MYO10: variants seen among roughly 807,000 people sequenced by gnomAD.
MYO10 encodes unconventional myosin-X.
In MYO10, 133 loss-of-function variants were observed where a neutral mutation model predicts 257.3. That is an observed-to-expected ratio of 0.52 (90% CI 0.45 to 0.60). MYO10 has a LOEUF of 0.60. MYO10 is among the 20% of genes least tolerant of loss of function. The pLI, the probability that MYO10 is intolerant of heterozygous loss-of-function variation, is 0.00. For synonymous variants in MYO10, 1,104 were observed against 1,028.6 expected, an observed-to-expected ratio of 1.07 and a Z score of -1.40; for missense variants, 2,399 against 2,635.7, an observed-to-expected ratio of 0.91 and a Z score of 1.97.
chr5:16,913,983 C>A (rs1271869063), intron 1 of MYO10, among the ~76,000 whole-genome samples: 2 of 152,162 alleles, frequency 1.3e-5, no homozygotes, highest in Non-Finnish European at 2.9e-5. Context: ...AGACAAGAAA[C>A]AATACAACAC....
chr5:16,787,609 TAAAAA>T (rs70940401), intron 4 of MYO10, among the ~76,000 whole-genome samples: 29,941 of 124,932 alleles, frequency 0.24, 3,709 homozygotes, highest in Non-Finnish European at 0.28. Context: ...TGTTTTGCTT[TAAAAA>T]AAAAAAAAAA....
chr5:16,749,973 A>G (rs1356555331), intron 19 of MYO10, among the ~76,000 whole-genome samples: 1 of 152,202 alleles, frequency 6.6e-6, no homozygotes, highest in Non-Finnish European at 1.5e-5. Flanking sequence ...CTGATGAGGA[A>G]AAGCAGGTTT....
At position 16,698,627 on chromosome 5, in the gene MYO10, T is replaced by TCATGAGAATGGGTCTCGACCAA. The variant is rs1737876404; in HGVS notation, c.3556+822_3556+823insTTGGTCGAGACCCATTCTCATG. On this transcript the variant is annotated intron_variant, in intron 26 of 40. Transcript: ENST00000513610. The stretch of plus-strand genomic sequence containing the variant: ...CCTGGCAGGAGAGAACATGCAGTTT[T>TCATGAGAATGGGTCTCGACCAA]TTTTTTTTTTTTTTGAGACAGCGTC... Among the ~76,000 whole-genome samples the TCATGAGAATGGGTCTCGACCAA allele has an allele frequency of 1.2e-3, 163 of 134,704 alleles. 3 individuals are homozygous for TCATGAGAATGGGTCTCGACCAA. The highest frequency in any genetic ancestry group is 4.9e-3 in the African/African-American group (146 of 30,008). The allele number at this position is 134,704 out of a possible 152,430, so 88.4% of individuals were successfully genotyped here.
At chr5:16,739,905 A>C (rs1739954505) in intron 19 of MYO10, among the ~76,000 whole-genome samples, 1 of 152,210 alleles carries the variant, frequency 6.6e-6, no homozygotes, top group Admixed American at 6.5e-5. Context: ...GGTGAACGCA[A>C]ACCCCAGCAT....
intron 2 of MYO10, among the ~76,000 whole-genome samples, chr5:16,821,895 A>G (rs1316798275): frequency 2.8e-5 from 4 of 144,410 alleles, no homozygotes; most frequent in African/African-American, 7.4e-5. Context: ...TCGCTACATG[A>G]ATAAAACAGA....
chr5:16,787,218 A>G (rs1388464136), intron 4 of MYO10, among the ~76,000 whole-genome samples: 1 of 152,104 alleles, frequency 6.6e-6, no homozygotes. Flanking sequence ...AGGTTGAAGA[A>G]CTGCTACTCT....
intron 2 of MYO10, among the ~76,000 whole-genome samples, chr5:16,831,678 G>A (rs1743166955): frequency 6.6e-6 from 1 of 152,146 alleles, no homozygotes; most frequent in African/African-American, 2.4e-5. Context: ...CTATGAGGAT[G>A]CAAAGGCGTA....
At chr5:16,842,332 G>C (rs74490435) in intron 2 of MYO10, among the ~76,000 whole-genome samples, 8,792 of 152,120 alleles carry the variant, frequency 0.058, 318 homozygotes, top group South Asian at 0.067. Flanking sequence ...GAGGTACTGA[G>C]AGCCAGTCAA....
chr5:16,871,374 G>A (rs150985817), intron 2 of MYO10, among the ~76,000 whole-genome samples: 1 of 152,282 alleles, frequency 6.6e-6, no homozygotes, highest in East Asian at 1.9e-4. Context: ...CAGCACTTTG[G>A]GAGGCCAAGG....
At chr5:16,690,005 A>G in intron 27 of MYO10, 86 bp from the exon 28 acceptor site, 1 of 978,580 alleles carries the variant, frequency 1.0e-6, no homozygotes, top group Non-Finnish European at 1.6e-6. Flanking sequence ...GCCAATGACT[A>G]GAGTTGGGAA....
At chr5:16,931,002 T>C (rs959907819) in intron 1 of MYO10, among the ~76,000 whole-genome samples, 1 of 152,210 alleles carries the variant, frequency 6.6e-6, no homozygotes, top group Non-Finnish European at 1.5e-5. Context: ...CTGGGCATGG[T>C]GGCTCATGCC....
In MYO10 at chr5:16,681,337, G is replaced by A. The variant is rs1287713050; in HGVS notation, c.4356C>T (p.Pro1452=). 2.5e-6 allele frequency: 4 copies of A among 1,613,040 alleles called. No homozygotes were observed. The highest frequency in any genetic ancestry group is 3.4e-6 in the Non-Finnish European group (4 of 1,179,684). Residue 1452 remains proline (P), a synonymous_variant, in exon 32 of 41, where the codon CCC becomes CCT. Transcript: ENST00000513610. ...TCTCTTTGAATATCTTCTCATCTGG[G>A]GGGACGACAGAGCAGAGGCTGTTGA... is the stretch of plus-strand genomic sequence containing the variant. ...LVLNSLCSVV[P]PDEKIFKETG...
chr5:16,820,008 C>T (rs980758444), intron 2 of MYO10, among the ~76,000 whole-genome samples: 1 of 152,338 alleles, frequency 6.6e-6, no homozygotes, highest in Admixed American at 6.5e-5. Flanking sequence ...AGGAGACAGT[C>T]CTAGTGGCCC....
intron 3 of MYO10, chr5:16,815,200 C>A: frequency 2.3e-6 from 1 of 431,620 alleles, no homozygotes; most frequent in Non-Finnish European, 4.1e-6. Flanking sequence ...CTAATGACAG[C>A]AAAGTATGAG....
intron 3 of MYO10, among the ~76,000 whole-genome samples, chr5:16,807,386 C>G (rs182150277): frequency 1.3e-5 from 2 of 152,112 alleles, no homozygotes; most frequent in Non-Finnish European, 2.9e-5. Flanking sequence ...TACTTGGCCC[C>G]CAAACCCAGT....
intron 2 of MYO10, among the ~76,000 whole-genome samples, chr5:16,853,475 A>G (rs1015610722): frequency 4.6e-5 from 7 of 152,202 alleles, no homozygotes; most frequent in Non-Finnish European, 1.0e-4. Context: ...AACATTGCCA[A>G]AATGTCAAAG....
chr5:16,766,308 G>A (rs1429652988), intron 10 of MYO10, 110 bp from the exon 11 acceptor site: 1 of 760,430 alleles, frequency 1.3e-6, no homozygotes, highest in African/African-American at 1.8e-5. Flanking sequence ...GCAGAGTTTA[G>A]AGATTGCATG....
chr5:16,754,033 C>T (rs1364461695), intron 19 of MYO10, among the ~76,000 whole-genome samples: 1 of 151,900 alleles, frequency 6.6e-6, no homozygotes, highest in South Asian at 2.1e-4. Flanking sequence ...AATTAAATTA[C>T]ATAAAAATTA....
At chr5:16,870,239 A>G (rs1252712126) in intron 2 of MYO10, among the ~76,000 whole-genome samples, 1 of 151,492 alleles carries the variant, frequency 6.6e-6, no homozygotes, top group Admixed American at 6.6e-5. Context: ...TTCTAACTTT[A>G]CCCAAAGCCC....
Sources: gnomAD v4.1 joint callset for allele counts (sites outside exome capture counted in the v4.1 genomes callset) on GRCh38, gnomAD v4.1.1 for gene constraint, MANE v1.5 for transcripts, NCBI Gene and HGNC (gene_info 2026-07-23, HGNC 2026-07-21) for gene names.